Variants in GLDC observed in about 807,000 individuals in gnomAD.
GLDC encodes glycine decarboxylase.
Under a neutral mutation model 121.3 loss-of-function variants are expected in GLDC, and 104 were observed. The observed-to-expected ratio is 0.86, with a 90% confidence interval of 0.73 to 1.01. GLDC has a LOEUF of 1.01. Among genes scored for constraint, GLDC ranks in the 50% least tolerant of loss-of-function variants. GLDC has a pLI of 0.00. For synonymous variants in GLDC, 546 were observed against 480.6 expected (o/e 1.14, Z -1.78); for missense variants, 1,429 against 1,306.6 (o/e 1.09, Z -1.44).
At chr9:6,607,356 G>A (rs756587344) in intron 4 of GLDC, among the ~76,000 whole-genome samples, 48 of 152,108 alleles carry the variant, frequency 3.2e-4, no homozygotes, top group Non-Finnish European at 5.1e-4. Flanking sequence ...GCCGAGGTGC[G>A]TGGATCACCT....
At chr9:6,553,300 T>C (rs1817552957) in intron 20 of GLDC, 68 bp downstream of exon 20, 5 of 1,378,550 alleles carry the variant, frequency 3.6e-6, no homozygotes, top group Non-Finnish European at 5.2e-6. Flanking sequence ...AAGTCTGCAG[T>C]ATCCGGTCCC....
At chr9:6,600,543 G>T (rs577642676) in intron 8 of GLDC, among the ~76,000 whole-genome samples, 146 of 152,122 alleles carry the variant, frequency 9.6e-4, no homozygotes, top group Non-Finnish European at 1.7e-3. Flanking sequence ...GGGTGTGGTG[G>T]CCTGTAATTC....
intron 8 of GLDC, among the ~76,000 whole-genome samples, chr9:6,597,470 C>T (rs907974411): frequency 6.6e-6 from 1 of 152,308 alleles, no homozygotes; most frequent in African/African-American, 2.4e-5. Context: ...GTGGCTCACA[C>T]CAGTGATCCC....
chr9:6,604,193 G>A (rs1015266561), intron 7 of GLDC, among the ~76,000 whole-genome samples: 2 of 152,104 alleles, frequency 1.3e-5, no homozygotes, highest in African/African-American at 2.4e-5. Flanking sequence ...AGGAAGGAAC[G>A]CGGAGCAAAC....
rs762287499 is a variant in GLDC at position 6,532,966 on chromosome 9, A to C, written c.*51T>G. ...AGATGAAATCTTTCTTGCTTATCAA[A>C]TGCTCTGGGGAGAGGCATCAAATCA... On this transcript the variant is annotated 3_prime_UTR_variant, in exon 25 of 25. Transcript: ENST00000321612. 1 of 1,338,002 alleles carries C rather than the reference A, an allele frequency of 7.5e-7. No individual in the cohort carries two copies. Among genetic ancestry groups the C allele is most frequent in the East Asian group, 2.3e-5 (1 of 43,460 alleles). The allele number at this position is 1,338,002 out of a possible 1,614,324, so 82.9% of individuals were successfully genotyped here. A position where few individuals can be genotyped will look rare whatever the true frequency, so the allele number is the denominator to read the frequency against.
At chr9:6,638,919 G>A (rs556319674) in intron 2 of GLDC, among the ~76,000 whole-genome samples, 47 of 152,006 alleles carry the variant, frequency 3.1e-4, no homozygotes, top group African/African-American at 9.9e-4. Context: ...TCAGGCAGGA[G>A]AATCGCTTGA....
chr9:6,556,074 CAA>C, intron 18 of GLDC, 77 bp downstream of exon 18: 1 of 1,277,434 alleles, frequency 7.8e-7, no homozygotes, highest in Non-Finnish European at 1.1e-6. Flanking sequence ...GGAAGCCTCT[CAA>C]GAAGTCAGAA....
chr9:6,595,760 T>A (rs1330438380), intron 8 of GLDC, among the ~76,000 whole-genome samples: 4 of 152,130 alleles, frequency 2.6e-5, no homozygotes, highest in Non-Finnish European at 4.4e-5. Context: ...ACCCAGGATT[T>A]CGAGGTTACA....
intron 2 of GLDC, among the ~76,000 whole-genome samples, chr9:6,629,958 T>TATATATATATATATATGTATATATATATA: frequency 1.3e-5 from 1 of 78,676 alleles, no homozygotes; most frequent in Admixed American, 1.3e-4. Context: ...TATATATATA[T>TATATATATATATATATGTATATATATATA]TTTTTTTTTT....
chr9:6,554,929 T>C (rs1304491707), intron 18 of GLDC, 148 bp from the exon 19 acceptor site: 2 of 708,986 alleles, frequency 2.8e-6, no homozygotes, highest in East Asian at 2.7e-5. Context: ...ATGTCCTCTA[T>C]ACTGGCCCAG....
At chr9:6,617,006 A>G (rs1818979205) in intron 3 of GLDC, among the ~76,000 whole-genome samples, 1 of 152,240 alleles carries the variant, frequency 6.6e-6, no homozygotes, top group South Asian at 2.1e-4. Flanking sequence ...AGTGAAACCC[A>G]TAAAATAAAT....
At chr9:6,640,319 T>TAAA (rs1819604169) in intron 2 of GLDC, among the ~76,000 whole-genome samples, 1 of 152,228 alleles carries the variant, frequency 6.6e-6, no homozygotes, top group Non-Finnish European at 1.5e-5. Flanking sequence ...AGGAAAGCCT[T>TAAA]GTCACAGACT....
intron 22 of GLDC, among the ~76,000 whole-genome samples, chr9:6,539,362 C>A (rs1817204843): frequency 6.6e-6 from 1 of 151,988 alleles, no homozygotes; most frequent in Non-Finnish European, 1.5e-5. Flanking sequence ...ACCTGTAGTC[C>A]CAGCTACGTG....
At chr9:6,612,648 G>T (rs978127483) in intron 3 of GLDC, among the ~76,000 whole-genome samples, 1 of 152,064 alleles carries the variant, frequency 6.6e-6, no homozygotes. Context: ...CGGATCACGA[G>T]GTCAGGAGTT....
intron 2 of GLDC, among the ~76,000 whole-genome samples, chr9:6,635,425 C>A (rs1024623231): frequency 6.6e-6 from 1 of 152,088 alleles, no homozygotes; most frequent in African/African-American, 2.4e-5. Flanking sequence ...GTCCTATGTA[C>A]CATAATAGCC....
intron 15 of GLDC, among the ~76,000 whole-genome samples, chr9:6,582,921 C>T (rs185512389): frequency 7.2e-4 from 110 of 152,082 alleles, no homozygotes; most frequent in African/African-American, 2.6e-3. Context: ...ACACGTTTCT[C>T]CAAAGAAGAT....
chr9:6,577,849 CTTCT>C (rs1187451461), intron 15 of GLDC, among the ~76,000 whole-genome samples: 2 of 151,692 alleles, frequency 1.3e-5, no homozygotes, highest in Non-Finnish European at 2.9e-5. Flanking sequence ...TCTTTCCTTC[CTTCT>C]GCTTGCTTTG....
At chr9:6,598,594 C>G (rs1818537635) in intron 8 of GLDC, among the ~76,000 whole-genome samples, 1 of 152,294 alleles carries the variant, frequency 6.6e-6, no homozygotes, top group African/African-American at 2.4e-5. Flanking sequence ...AGGAACAACT[C>G]AAAAGACACC....
intron 20 of GLDC, among the ~76,000 whole-genome samples, chr9:6,552,045 C>A (rs1046307431): frequency 7.2e-5 from 11 of 152,060 alleles, no homozygotes; most frequent in African/African-American, 9.7e-5. Context: ...CTAGTGAGAA[C>A]CAGGTAAAGC....
Sources: gnomAD v4.1 joint callset for allele counts (sites outside exome capture counted in the v4.1 genomes callset) on GRCh38, gnomAD v4.1.1 for gene constraint, MANE v1.5 for transcripts, NCBI Gene and HGNC (gene_info 2026-07-23, HGNC 2026-07-21) for gene names.